ABCC6: variants seen among roughly 807,000 people sequenced by gnomAD.
The protein encoded by ABCC6 is ATP binding cassette subfamily C member 6.
A neutral mutation model predicts 169.5 loss-of-function variants in ABCC6; 126 were observed. The observed-to-expected ratio is 0.74, with a 90% CI of 0.64 to 0.86. ABCC6 has a LOEUF of 0.86. ABCC6 is among the 40% of genes least tolerant of loss of function. The pLI, the probability that ABCC6 is intolerant of heterozygous loss-of-function variation, is 0.00. For synonymous variants in ABCC6, 752 were observed against 814.7 expected (o/e 0.92, Z 1.31); for missense variants, 1,733 against 1,927.2 (o/e 0.90, Z 1.89).
Position 16,169,741 on chromosome 16 carries a change from C to T in ABCC6, c.2900G>A (p.Trp967Ter), listed in dbSNP as rs2046997344. 1.9e-6 allele frequency: 3 copies of T among 1,608,034 alleles called. No homozygotes were observed. The highest frequency in any genetic ancestry group is 2.5e-6 in the Non-Finnish European group (3 of 1,177,792). Residue 967 changes from tryptophan (W) to a stop codon, truncating the protein, a stop_gained, in exon 22 of 31, where the codon TGG (tryptophan) becomes TAG (stop). Transcript: ENST00000205557. LOFTEE classifies it high-confidence loss of function. ...AGGGTCGTCCGCCCACAGGCTCAGCCAGTAGCCCCGGCAGAAGGAGGCCAC... is the reference window on the plus strand; with the variant it reads ...AGGGTCGTCCGCCCACAGGCTCAGCTAGTAGCCCCGGCAGAAGGAGGCCAC... ...QQVASFCRGY[W>*]LSLWADDPAV... is the part of the protein sequence containing the mutation.
At position 16,154,766 on chromosome 16, in the gene ABCC6, C is replaced by A; in HGVS notation, c.4070G>T (p.Arg1357Leu). Residue 1357 changes from arginine (R) to leucine (L), a missense_variant, in exon 29 of 31, where the codon CGG becomes CTG. By Grantham distance (102) the Arg-to-Leu change is moderately radical (BLOSUM62 -2). Coordinates refer to ENST00000205557, the MANE Select transcript of ABCC6 (RefSeq NM_001171.6). ...CTCCTGCAGCAGGTCGAGGTTCATC[C>A]GCAGAGAGCCAGGGAACAGGATGGG... ...QDPILFPGSL[R>L]MNLDLLQEHS... 1.2e-6 allele frequency: 2 copies of A among 1,612,488 alleles called. No individual in the cohort carries two copies. Among genetic ancestry groups the A allele is most frequent in the Non-Finnish European group, 1.7e-6 (2 of 1,179,434 alleles).
intron 22 of ABCC6, 26 bp downstream of exon 22, chr16:16,169,620 G>A (rs1266363365): frequency 3.1e-6 from 5 of 1,608,670 alleles, no homozygotes; most frequent in African/African-American, 1.3e-5. Context: ...GGGAGGAGAG[G>A]GATGAGGAGG....
At chr16:16,170,005 A>C (rs1347662083) in intron 21 of ABCC6, 152 bp from the exon 22 acceptor site, 27 of 794,508 alleles carry the variant, frequency 3.4e-5, no homozygotes, top group Non-Finnish European at 2.1e-6. Context: ...GCCTCCCACC[A>C]GAAGCACCAT....
At position 16,190,156 on chromosome 16, in the gene ABCC6, G is replaced by C; in HGVS notation, c.1635+8C>G. The C allele has an allele frequency of 6.2e-7, 1 of 1,613,140 alleles. No homozygotes were observed. On this transcript the variant is annotated splice_region_variant and intron_variant, in intron 12 of 30. Coordinates refer to ENST00000205557, the MANE Select transcript of ABCC6 (RefSeq NM_001171.6). ...TGCTGCTCAGCATAGAGACTAGAGT[G>C]ACGTCACCAGAAATGTAGACACTTG... is the stretch of plus-strand genomic sequence containing the variant.
chr16:16,207,234 G>A (rs1280366702), intron 7 of ABCC6, among the ~76,000 whole-genome samples: 2 of 152,206 alleles, frequency 1.3e-5, no homozygotes, highest in African/African-American at 4.8e-5. Context: ...ACCCACTTCT[G>A]TGGCTCTGAA....
At chr16:16,192,198 G>A (rs912554099) in intron 11 of ABCC6, among the ~76,000 whole-genome samples, 17 of 152,188 alleles carry the variant, frequency 1.1e-4, no homozygotes, top group Non-Finnish European at 2.5e-4. Context: ...AAGGCCTGCA[G>A]GGATGTGTGA....
At chr16:16,192,558 C>G (rs977167318) in intron 11 of ABCC6, among the ~76,000 whole-genome samples, 2 of 152,000 alleles carry the variant, frequency 1.3e-5, no homozygotes, top group African/African-American at 4.8e-5. Context: ...GAAGGTGATG[C>G]CAAGCAAATC....
rs112508843 is a variant in ABCC6 at position 16,201,850 on chromosome 16, C to A, written c.1176+151G>T. The A allele has an allele frequency of 1.7e-3, 1,647 of 963,580 alleles. 3 individuals carry two copies. Among genetic ancestry groups the A allele is most frequent in the Non-Finnish European group, 2.4e-3 (1,475 of 619,722 alleles). The allele number at this position is 963,580 out of a possible 1,614,324, so 59.7% of individuals were successfully genotyped here. A position where few individuals can be genotyped will look rare whatever the true frequency, so the allele number is the denominator to read the frequency against. On this transcript the variant is annotated intron_variant, in intron 9 of 30. Coordinates refer to ENST00000205557, the MANE Select transcript of ABCC6 (RefSeq NM_001171.6). ...CTCAAAAAAATAAATACATATAATA[C>A]AGAGAAATAACTAAGGAAGTGAGAA... is the stretch of plus-strand genomic sequence containing the variant.
In ABCC6 at chr16:16,154,727, G is replaced by T. The variant is rs2046485287; in HGVS notation, c.4109C>A (p.Ala1370Asp). 1.2e-6 allele frequency: 2 copies of T among 1,613,496 alleles called. No individual in the cohort carries two copies. Among genetic ancestry groups the T allele is most frequent in the Non-Finnish European group, 1.7e-6 (2 of 1,179,858 alleles). ...CACCGTCTCCAGGGCTGCCCAGATA[G>T]CCTCGTCCGAGTGCTCCTGCAGCAG... ...LDLLQEHSDE[A>D]IWAALETVQL... Residue 1370 changes from alanine to aspartate, a missense_variant, in exon 29 of 31, where the codon GCT becomes GAT. By Grantham distance (126) the Ala-to-Asp change is moderately radical (BLOSUM62 -2). Around this residue, in one of 5 missense-constraint regions of ABCC6, gnomAD observed 1,601 missense variants for 1,635.5 expected, o/e 0.98. Coordinates refer to ENST00000205557, the MANE Select transcript of ABCC6 (RefSeq NM_001171.6).
rs60228793 is a variant in ABCC6 at position 16,150,821 on chromosome 16, G to C, written c.4209-49C>G. On this transcript the variant is annotated intron_variant, in intron 29 of 30. Transcript: ENST00000205557. Reference sequence around the variant, plus strand: ...CTGGGACGTGCGTTTGTCGGCACATGGTGATGTGTGGGTGTGCCCAGAAAC... The same window carrying C: ...CTGGGACGTGCGTTTGTCGGCACATCGTGATGTGTGGGTGTGCCCAGAAAC... 1.6e-4 allele frequency: 250 copies of C among 1,594,152 alleles called. No individual in the cohort carries two copies. The African/African-American group carries it at 3.2e-3, about 20-fold the overall frequency.
chr16:16,203,138 ATGTT>A (rs765487640), intron 8 of ABCC6, among the ~76,000 whole-genome samples: 12 of 152,190 alleles, frequency 7.9e-5, no homozygotes, highest in Non-Finnish European at 1.3e-4. Context: ...AAATAAAAGA[ATGTT>A]TGTCATTTTA....
At chr16:16,212,311 TA>T in intron 5 of ABCC6, 65 bp from the exon 6 acceptor site, 4 of 888,986 alleles carry the variant, frequency 4.5e-6, no homozygotes, top group Non-Finnish European at 5.5e-6. Context: ...ACGAACTGTG[TA>T]TTTTTTTTTT....
At chr16:16,181,041 C>G (rs1015635278) in intron 17 of ABCC6, among the ~76,000 whole-genome samples, 7 of 152,036 alleles carry the variant, frequency 4.6e-5, no homozygotes, top group Non-Finnish European at 1.0e-4. Flanking sequence ...CAGGGGCTCA[C>G]GCCTGTAATC....
rs1242750246 is a variant in ABCC6 at position 16,163,163 on chromosome 16, C to T, written c.3336G>A (p.Leu1112=). 1.2e-6 allele frequency: 2 copies of T among 1,613,542 alleles called. No individual in the cohort carries two copies. The highest frequency in any genetic ancestry group is 2.7e-5 in the African/African-American group (2 of 74,926). The part of the protein sequence containing the change: ...QSLYVVSSCQ[L]RRLESASYSS... Reference sequence around the variant, plus strand: ...AGTAGCTGGCTGACTCCAAGCGTCTCAGCTGGCATGAGCTAACCACATACA... The same window carrying T: ...AGTAGCTGGCTGACTCCAAGCGTCTTAGCTGGCATGAGCTAACCACATACA... Residue 1112 remains leucine (L), a synonymous_variant, in exon 24 of 31, where the codon CTG becomes CTA. Transcript: ENST00000205557.
Position 16,206,219 on chromosome 16 carries a change from G to A in ABCC6, c.794+2509C>T, listed in dbSNP as rs554142329. Among the ~76,000 whole-genome samples, 22 of 152,264 alleles carry A rather than the reference G, an allele frequency of 1.4e-4. No individual in the cohort carries two copies. In the South Asian group the frequency reaches 1.9e-3, roughly 13 times the overall value. ...GAAGATGTCCAGATTGCTGTCTGACGTCTGGTCTCTGGACTGAAGGCCATT... is the reference window on the plus strand; with the variant it reads ...GAAGATGTCCAGATTGCTGTCTGACATCTGGTCTCTGGACTGAAGGCCATT... On this transcript the variant is annotated intron_variant, in intron 7 of 30. Transcript: ENST00000205557.
At chr16:16,205,328 A>G (rs1401998818) in intron 7 of ABCC6, among the ~76,000 whole-genome samples, 1 of 152,204 alleles carries the variant, frequency 6.6e-6, no homozygotes, top group Admixed American at 6.5e-5. Context: ...GTCACACAGC[A>G]AGGGCAGAGC....
At chr16:16,182,125 G>A (rs985110477) in intron 17 of ABCC6, among the ~76,000 whole-genome samples, 1 of 152,196 alleles carries the variant, frequency 6.6e-6, no homozygotes, top group Non-Finnish European at 1.5e-5. Flanking sequence ...GCAGGGCAGA[G>A]TAAGACAGGA....
rs1463761110 is a variant in ABCC6, at chr16:16,154,715, G to T, written c.4121C>A (p.Ala1374Asp). The T allele has an allele frequency of 1.2e-6, 2 of 1,613,646 alleles. No individual in the cohort carries two copies. The highest frequency in any genetic ancestry group is 3.3e-5 in the Admixed American group (2 of 59,978). Residue 1374 changes from alanine to aspartate, a missense_variant, in exon 29 of 31, where the codon GCC (alanine) becomes GAC (aspartate). Ala to Asp is a moderately radical substitution (Grantham distance 126, BLOSUM62 -2). Around this residue, in one of 5 missense-constraint regions of ABCC6, gnomAD observed 1,601 missense variants for 1,635.5 expected, o/e 0.98. Coordinates refer to ENST00000205557, the MANE Select transcript of ABCC6 (RefSeq NM_001171.6). ...GGCTTTGAGCTGCACCGTCTCCAGG[G>T]CTGCCCAGATAGCCTCGTCCGAGTG... is the stretch of plus-strand genomic sequence containing the variant. ...QEHSDEAIWA[A>D]LETVQLKALV... is the part of the protein sequence containing the mutation.
chr16:16,215,843 G>A (rs2048853336), intron 4 of ABCC6, among the ~76,000 whole-genome samples: 1 of 152,130 alleles, frequency 6.6e-6, no homozygotes, highest in Non-Finnish European at 1.5e-5. Context: ...ATCACATCAA[G>A]GTAAATGAGG....
Sources: gnomAD v4.1 joint callset for allele counts (sites outside exome capture counted in the v4.1 genomes callset) on GRCh38, gnomAD v4.1.1 for gene constraint, gnomAD v4.1.1 regional missense constraint, MANE v1.5 for transcripts, NCBI Gene and HGNC (gene_info 2026-07-23, HGNC 2026-07-21) for gene names.